The following PDE11A variants were observed in gnomAD, a reference collection of about 807,000 sequenced individuals.
PDE11A encodes dual 3',5'-cyclic-AMP and -GMP phosphodiesterase 11A.
Under a neutral mutation model 100.5 loss-of-function variants are expected in PDE11A, and 100 were observed. The observed-to-expected ratio is 1.00, with a 90% CI of 0.85 to 1.18. PDE11A has a LOEUF of 1.18. Among genes scored for constraint, PDE11A ranks in the 50% most tolerant of loss-of-function variants. PDE11A has a pLI of 0.00. For synonymous variants in PDE11A, 381 were observed against 420.8 expected, an observed-to-expected ratio of 0.91 and a Z score of 1.16; for missense variants, 1,141 against 1,152.6, an observed-to-expected ratio of 0.99 and a Z score of 0.15.
chr2:177,887,988 C>T (rs2084468765), intron 4 of PDE11A, among the ~76,000 whole-genome samples: 1 of 152,012 alleles, frequency 6.6e-6, no homozygotes, highest in African/African-American at 2.4e-5. Context: ...CCCAGAACCA[C>T]CTCCTGGAGA....
At chr2:177,984,528 T>C (rs1355545934) in intron 2 of PDE11A, among the ~76,000 whole-genome samples, 3 of 152,234 alleles carry the variant, frequency 2.0e-5, no homozygotes, top group East Asian at 3.8e-4. Flanking sequence ...CCTAATTGTA[T>C]GTTTCAGTTC....
chr2:177,680,324 G>A (rs576516729), intron 16 of PDE11A, among the ~76,000 whole-genome samples: 80 of 152,306 alleles, frequency 5.3e-4, no homozygotes, highest in African/African-American at 1.9e-3. Context: ...CATAAACAGA[G>A]TGGGTTGCTA....
intron 19 of PDE11A, among the ~76,000 whole-genome samples, chr2:177,641,328 T>C (rs2080138365): frequency 6.7e-6 from 1 of 148,456 alleles, no homozygotes. Context: ...TGGGTTATGG[T>C]ACAAAAACAG....
At chr2:177,862,196 T>C (rs1459792197) in intron 5 of PDE11A, among the ~76,000 whole-genome samples, 2 of 151,350 alleles carry the variant, frequency 1.3e-5, no homozygotes, top group South Asian at 2.1e-4. Flanking sequence ...TACCAAAAAC[T>C]CCAAGACTCA....
chr2:177,701,102 C>T lies in PDE11A; in HGVS notation c.2244+19G>A. ...TTTTGGTTTCTGTTAAGGGGAGAAG[C>T]AGAACATCAGGCCTGTACCTCACTT... On this transcript the variant is annotated intron_variant, in intron 14 of 19. Coordinates refer to ENST00000286063, the MANE Select transcript of PDE11A (RefSeq NM_016953.4). 7.3e-7 allele frequency: 1 copy of T among 1,371,162 alleles called. No individual in the cohort carries two copies. The highest frequency in any genetic ancestry group is 1.0e-6 in the Non-Finnish European group (1 of 957,940). The allele number at this position is 1,371,162 out of a possible 1,614,324, so 84.9% of individuals were successfully genotyped here.
At chr2:177,901,629 A>G (rs2084700100) in intron 3 of PDE11A, among the ~76,000 whole-genome samples, 1 of 152,194 alleles carries the variant, frequency 6.6e-6, no homozygotes, top group South Asian at 2.1e-4. Flanking sequence ...CTTTTAAGTG[A>G]ATCTTGATAT....
At chr2:177,765,296 A>G (rs930661889) in intron 10 of PDE11A, among the ~76,000 whole-genome samples, 4 of 152,252 alleles carry the variant, frequency 2.6e-5, no homozygotes, top group African/African-American at 9.6e-5. Context: ...AGCATTAATG[A>G]TTATTAAAAG....
chr2:177,816,840 C>G lies in PDE11A; in HGVS notation c.1726G>C (p.Val576Leu). The G allele has an allele frequency of 6.3e-7, 1 of 1,588,016 alleles. No individual in the cohort carries two copies. The highest frequency in any genetic ancestry group is 8.6e-7 in the Non-Finnish European group (1 of 1,156,278). Residue 576 changes from valine to leucine, a missense_variant, in exon 9 of 20, where the codon GTG becomes CTG. By Grantham distance (32) the Val-to-Leu change is conservative (BLOSUM62 1). Transcript: ENST00000286063. The part of the protein sequence containing the change: ...QVKKSWAKQS[V>L]ALDVLSYHAT... Reference sequence around the variant, plus strand: ...AACACTGTACTTACATCAAGAGCCACAGACTGCTTGGCCCAGGACTTCTTC... The same window carrying G: ...AACACTGTACTTACATCAAGAGCCAGAGACTGCTTGGCCCAGGACTTCTTC...
chr2:177,718,224 TTCTTA>T (rs1246290631), intron 12 of PDE11A, among the ~76,000 whole-genome samples: 1 of 152,214 alleles, frequency 6.6e-6, no homozygotes, highest in Non-Finnish European at 1.5e-5. Flanking sequence ...CAGGTAACTG[TTCTTA>T]TCTTCCCATT....
At chr2:177,970,888 G>A (rs2085760844) in intron 2 of PDE11A, among the ~76,000 whole-genome samples, 1 of 152,174 alleles carries the variant, frequency 6.6e-6, no homozygotes, top group African/African-American at 2.4e-5. Flanking sequence ...CAGGGGAGGA[G>A]TTTCAGGAAG....
intron 12 of PDE11A, among the ~76,000 whole-genome samples, chr2:177,723,657 T>C (rs2105442356): frequency 6.6e-6 from 1 of 152,310 alleles, no homozygotes; most frequent in East Asian, 1.9e-4. Context: ...AATATTACCC[T>C]AAACTAAATT....
chr2:178,045,578 T>G (rs1338967552), intron 1 of PDE11A, among the ~76,000 whole-genome samples: 2 of 152,250 alleles, frequency 1.3e-5, no homozygotes. Context: ...GTTCAAACCC[T>G]GGCTCTCCAA....
At chr2:177,740,937 T>G (rs77567165) in intron 10 of PDE11A, among the ~76,000 whole-genome samples, 3,033 of 152,266 alleles carry the variant, frequency 0.02, 42 homozygotes, top group South Asian at 0.033. Flanking sequence ...CAGATGTGCA[T>G]TTGAATCTGA....
chr2:177,737,408 C>T lies in PDE11A; in HGVS notation c.1789-9236G>A, dbSNP rs2081803725. Among the ~76,000 whole-genome samples the T allele has an allele frequency of 2.1e-5, 3 of 146,002 alleles. 1 individual carries two copies. The South Asian group carries it at 6.8e-4, about 33-fold the overall frequency. ...CCTGGCTAACACAGTGAAACCCCGT[C>T]TCTACTAAAAATACACACACACATA... On this transcript the variant is annotated intron_variant, in intron 10 of 19. Coordinates refer to ENST00000286063, the MANE Select transcript of PDE11A (RefSeq NM_016953.4).
chr2:178,017,821 G>A (rs966872701), intron 1 of PDE11A, among the ~76,000 whole-genome samples: 4 of 152,040 alleles, frequency 2.6e-5, no homozygotes, highest in Non-Finnish European at 4.4e-5. Context: ...TTAGCCGGGC[G>A]TGGTGCCAGG....
intron 9 of PDE11A, among the ~76,000 whole-genome samples, chr2:177,803,571 A>G (rs2082824424): frequency 6.6e-6 from 1 of 152,012 alleles, no homozygotes; most frequent in Non-Finnish European, 1.5e-5. Context: ...CTAGCAAATC[A>G]AATCCAATAG....
intron 2 of PDE11A, among the ~76,000 whole-genome samples, chr2:178,005,667 T>C (rs914697356): frequency 2.4e-4 from 37 of 152,172 alleles, no homozygotes; most frequent in African/African-American, 8.9e-4. Context: ...GTCTACTAAG[T>C]AGAAACGCAA....
chr2:178,033,092 A>T (rs1295244033), intron 1 of PDE11A, among the ~76,000 whole-genome samples: 3 of 152,230 alleles, frequency 2.0e-5, no homozygotes, highest in Non-Finnish European at 4.4e-5. Flanking sequence ...GGGTAATAAC[A>T]AACTCTTCTG....
chr2:177,650,658 A>G (rs1173827732), intron 19 of PDE11A, among the ~76,000 whole-genome samples: 1 of 152,222 alleles, frequency 6.6e-6, no homozygotes, highest in African/African-American at 2.4e-5. Context: ...AATAGTTTTG[A>G]AAACTTTGAG....
Sources: allele counts gnomAD v4.1 joint callset (sites outside exome capture counted in the v4.1 genomes callset), GRCh38; gene constraint gnomAD v4.1.1; transcripts MANE v1.5; gene names NCBI Gene and HGNC (gene_info 2026-07-23, HGNC 2026-07-21).